The following SLC9A7 variants were observed in gnomAD, a reference collection of about 807,000 sequenced individuals.
SLC9A7 encodes the protein solute carrier family 9 member A7.
SLC9A7 carries 19 observed loss-of-function variants against 52.6 expected under a neutral mutation model. That is an observed-to-expected ratio of 0.36 (90% CI 0.25 to 0.53). The LOEUF (loss-of-function observed/expected upper bound fraction) is 0.53, where lower values mean the gene tolerates loss of function less well. Ranked by LOEUF, SLC9A7 falls within the 20% of genes least tolerant of loss-of-function variation. The pLI is 0.91. For missense variants in SLC9A7, 455 were observed against 597.9 expected (o/e 0.76, Z 2.49); for synonymous variants, 226 against 252.1 (o/e 0.90, Z 0.98).
intron 15 of SLC9A7, among the ~76,000 whole-genome samples, chrX:46,616,292 A>G (rs1942948604): frequency 9.8e-6 from 1 of 101,700 alleles, no homozygotes; most frequent in African/African-American, 3.6e-5. Context: ...CTGCATGATC[A>G]GTGCAGAGTG....
chrX:46,643,891 C>T (rs1029215245), intron 11 of SLC9A7, among the ~76,000 whole-genome samples: 1 of 111,735 alleles, frequency 8.9e-6, no homozygotes, highest in Non-Finnish European at 1.9e-5. Flanking sequence ...TTTCTGTAAC[C>T]GGCCAGATAT....
At chrX:46,723,298 CAAAAA>C (rs764219707) in intron 1 of SLC9A7, among the ~76,000 whole-genome samples, 30 of 18,702 alleles carry the variant, frequency 1.6e-3, no homozygotes, top group African/African-American at 4.5e-3. Flanking sequence ...AAGATTTCTA[CAAAAA>C]AAAAAAAAAA....
chrX:46,746,354 A>C (rs935303661), intron 1 of SLC9A7, among the ~76,000 whole-genome samples: 6 of 110,815 alleles, frequency 5.4e-5, no homozygotes, highest in Non-Finnish European at 1.1e-4. Context: ...ACAAACAAAA[A>C]ACAGTGCACA....
chrX:46,749,166 AAGG>A (rs1457978364), intron 1 of SLC9A7, among the ~76,000 whole-genome samples: 2 of 111,957 alleles, frequency 1.8e-5, no homozygotes, highest in African/African-American at 6.5e-5. Flanking sequence ...TAAGAACTTG[AAGG>A]AGGAGGGGAG....
chrX:46,729,197 G>A (rs1020743692), intron 1 of SLC9A7, among the ~76,000 whole-genome samples: 3 of 112,289 alleles, frequency 2.7e-5, no homozygotes, highest in Non-Finnish European at 5.6e-5. Context: ...GAATATTTGA[G>A]TGAATTAATG....
chrX:46,738,326 G>A (rs1201882446), intron 1 of SLC9A7, among the ~76,000 whole-genome samples: 2 of 112,128 alleles, frequency 1.8e-5, no homozygotes. Flanking sequence ...CCTTGACCTT[G>A]TGTCACTGGC....
chrX:46,727,065 C>T (rs993153490), intron 1 of SLC9A7, among the ~76,000 whole-genome samples: 7 of 111,693 alleles, frequency 6.3e-5, no homozygotes, highest in African/African-American at 2.3e-4. Context: ...CTCAGGTAGG[C>T]CTATATCAGC....
At chrX:46,609,799 G>A (rs1209626444) in intron 16 of SLC9A7, among the ~76,000 whole-genome samples, 1 of 110,629 alleles carries the variant, frequency 9.0e-6, no homozygotes, top group African/African-American at 3.3e-5. Context: ...AAGCCGAGGC[G>A]AGCGGATCAC....
intron 1 of SLC9A7, among the ~76,000 whole-genome samples, chrX:46,731,432 T>TATATTAAAAAAAA (rs748259550): frequency 6.4e-5 from 5 of 78,248 alleles, no homozygotes; most frequent in Non-Finnish European, 1.1e-4. Context: ...TATAAAAAAT[T>TATATTAAAAAAAA]AAAAAAAATT....
chrX:46,645,568 T>A (rs1943475793), intron 11 of SLC9A7, among the ~76,000 whole-genome samples: 1 of 110,905 alleles, frequency 9.0e-6, no homozygotes, highest in South Asian at 3.8e-4. Flanking sequence ...GTGAAAATTA[T>A]GAGTTTAGAT....
intron 1 of SLC9A7, among the ~76,000 whole-genome samples, chrX:46,696,492 A>G (rs754230166): frequency 2.1e-4 from 23 of 111,926 alleles, no homozygotes; most frequent in African/African-American, 7.5e-4. Flanking sequence ...TGTGAAAGTG[A>G]TTAGATATCA....
intron 5 of SLC9A7, among the ~76,000 whole-genome samples, chrX:46,665,959 G>A (rs1943914326): frequency 1.8e-5 from 2 of 111,854 alleles, no homozygotes; most frequent in South Asian, 3.7e-4. Flanking sequence ...CCCTGTCACA[G>A]TGCAGCCTAC....
chrX:46,700,305 C>T (rs1325035956), intron 1 of SLC9A7, among the ~76,000 whole-genome samples: 5 of 111,779 alleles, frequency 4.5e-5, no homozygotes, highest in Admixed American at 9.5e-5. Context: ...TCATTTAACA[C>T]ATTTTTATTG....
Position 46,690,958 on chromosome X carries a change from C to G in SLC9A7, c.326-8423G>C, listed in dbSNP as rs149540697. ...CTGGAGCTGGTGGGAGAAATGGGAG[C>G]TGGTGGTCACTGCAGTCTATTCCAC... On this transcript the variant is annotated intron_variant, in intron 1 of 16. Transcript: ENST00000616978. Among the ~76,000 whole-genome samples, 452 of 111,695 alleles carry G rather than the reference C, an allele frequency of 4.0e-3. 2 individuals carry two copies. Among genetic ancestry groups the G allele is most frequent in the African/African-American group, 0.014 (425 of 30,758 alleles).
chrX:46,687,466 T>G (rs1460855753), intron 1 of SLC9A7, among the ~76,000 whole-genome samples: 1 of 112,153 alleles, frequency 8.9e-6, no homozygotes, highest in East Asian at 2.8e-4. Context: ...TATTTCTAAT[T>G]CAATGAATAA....
intron 1 of SLC9A7, among the ~76,000 whole-genome samples, chrX:46,705,524 A>G (rs1193767102): frequency 1.8e-5 from 2 of 112,065 alleles, no homozygotes; most frequent in Non-Finnish European, 3.8e-5. Context: ...AGGTGGGAGG[A>G]TCACTTGAGT....
chrX:46,745,579 C>T (rs1157178304), intron 1 of SLC9A7, among the ~76,000 whole-genome samples: 1 of 111,998 alleles, frequency 8.9e-6, no homozygotes. Flanking sequence ...CAGTGGCTCA[C>T]GCCTGTAATC....
At chrX:46,642,663 C>T (rs189587174) in intron 12 of SLC9A7, among the ~76,000 whole-genome samples, 65 of 112,010 alleles carry the variant, frequency 5.8e-4, no homozygotes, top group African/African-American at 1.7e-3. Flanking sequence ...AAGTCAAACT[C>T]GTATCAGTGC....
In SLC9A7 at chrX:46,599,438, ATACTT is replaced by A. The variant is rs771590013; in HGVS notation, c.*7509_*7513del. The A allele has an allele frequency of 7.1e-5, 8 of 112,242 alleles. No individual in the cohort carries two copies. The highest frequency in any genetic ancestry group is 1.3e-4 in the Non-Finnish European group (7 of 53,285). 9.3% of individuals were successfully genotyped at this position (112,242 alleles called of 1,213,427 possible). On this transcript the variant is annotated 3_prime_UTR_variant, in exon 17 of 17. Coordinates refer to ENST00000616978, the MANE Select transcript of SLC9A7 (RefSeq NM_001257291.2). ...CACTACAGCCTTCTACCAACAGATG[ATACTT>A]TACTTTAAAATACAAAACAAAATTA...
Sources: allele counts gnomAD v4.1 joint callset (sites outside exome capture counted in the v4.1 genomes callset), GRCh38; gene constraint gnomAD v4.1.1; transcripts MANE v1.5; gene names NCBI Gene and HGNC (gene_info 2026-07-23, HGNC 2026-07-21).